Variants in ALK observed in about 807,000 individuals in gnomAD.
ALK encodes the protein ALK receptor tyrosine kinase.
Under a neutral mutation model 163.1 loss-of-function variants are expected in ALK, and 74 were observed. The observed-to-expected ratio is 0.45, with a 90% CI of 0.38 to 0.55. The LOEUF is 0.55. Ranked by LOEUF, ALK falls within the 20% of genes least tolerant of loss-of-function variation. ALK has a pLI of 0.00. For synonymous variants in ALK, 960 were observed against 843.2 expected (o/e 1.14, Z -2.40); for missense variants, 2,063 against 2,105.3 (o/e 0.98, Z 0.39).
chr2:29,564,381 T>C (rs1674114991), intron 3 of ALK, among the ~76,000 whole-genome samples: 1 of 152,092 alleles, frequency 6.6e-6, no homozygotes, highest in South Asian at 2.1e-4. Flanking sequence ...GATCTTCCAA[T>C]AAAAATGAGT....
At chr2:29,670,910 T>C (rs1291419588) in intron 3 of ALK, among the ~76,000 whole-genome samples, 1 of 152,120 alleles carries the variant, frequency 6.6e-6, no homozygotes, top group Non-Finnish European at 1.5e-5. Context: ...TGCTTTTCTG[T>C]GTTATCTTGG....
At chr2:29,890,841 C>G (rs559157327) in intron 1 of ALK, 6 of 152,280 alleles carry the variant, frequency 3.9e-5, no homozygotes, top group African/African-American at 1.4e-4. Flanking sequence ...GAAGACTTCT[C>G]AAGTCTTGGA....
intron 1 of ALK, among the ~76,000 whole-genome samples, chr2:29,729,020 G>A (rs1305784931): frequency 6.6e-6 from 1 of 152,198 alleles, no homozygotes; most frequent in African/African-American, 2.4e-5. Flanking sequence ...TAACAGGACT[G>A]ACCTGACTTG....
At chr2:29,594,185 A>C (rs944238279) in intron 3 of ALK, among the ~76,000 whole-genome samples, 1 of 152,230 alleles carries the variant, frequency 6.6e-6, no homozygotes, top group African/African-American at 2.4e-5. Flanking sequence ...ATTATATTTT[A>C]TAAAGGTAAT....
At chr2:29,826,371 A>C (rs914269131) in intron 1 of ALK, among the ~76,000 whole-genome samples, 1 of 152,046 alleles carries the variant, frequency 6.6e-6, no homozygotes, top group African/African-American at 2.4e-5. Context: ...GGGCTTTGAT[A>C]TATCACAATG....
At chr2:29,366,590 C>T (rs866878711) in intron 5 of ALK, among the ~76,000 whole-genome samples, 1 of 152,120 alleles carries the variant, frequency 6.6e-6, no homozygotes, top group East Asian at 1.9e-4. Context: ...CCAGCAAGGA[C>T]TCCTTCAGTC....
chr2:29,875,023 C>A (rs932120271), intron 1 of ALK, among the ~76,000 whole-genome samples: 1 of 152,194 alleles, frequency 6.6e-6, no homozygotes, highest in East Asian at 1.9e-4. Context: ...CTCCTAGGTA[C>A]ACACTCAAAA....
chr2:29,912,164 A>C (rs1572495013), intron 1 of ALK, among the ~76,000 whole-genome samples: 1 of 152,168 alleles, frequency 6.6e-6, no homozygotes, highest in Non-Finnish European at 1.5e-5. Context: ...CAGGAGAGGA[A>C]TATATTGGTG....
chr2:29,766,396 C>A (rs1163295527), intron 1 of ALK, among the ~76,000 whole-genome samples: 2 of 152,154 alleles, frequency 1.3e-5, no homozygotes, highest in African/African-American at 4.8e-5. Context: ...TCTCCCCCAG[C>A]CACCATGAAT....
At chr2:29,242,937 G>C (rs1254408427) in intron 12 of ALK, among the ~76,000 whole-genome samples, 3 of 152,316 alleles carry the variant, frequency 2.0e-5, no homozygotes, top group South Asian at 2.1e-4. Flanking sequence ...TTAAAGTCAG[G>C]GGGAGCAGGC....
intron 1 of ALK, among the ~76,000 whole-genome samples, chr2:29,776,988 C>T (rs1401475019): frequency 2.0e-5 from 3 of 152,114 alleles, no homozygotes; most frequent in Non-Finnish European, 4.4e-5. Flanking sequence ...GACCCCCAAT[C>T]TACCATCAAC....
intron 1 of ALK, among the ~76,000 whole-genome samples, chr2:29,741,721 CT>C (rs1680064871): frequency 6.6e-6 from 1 of 152,148 alleles, no homozygotes. Context: ...TGTGATGGTT[CT>C]TCCAAGACAA....
At chr2:29,372,339 T>C (rs1421329521) in intron 5 of ALK, among the ~76,000 whole-genome samples, 1 of 152,210 alleles carries the variant, frequency 6.6e-6, no homozygotes, top group Non-Finnish European at 1.5e-5. Context: ...ATCTAGTCCT[T>C]CTTCCAGGGG....
intron 13 of ALK, among the ~76,000 whole-genome samples, chr2:29,236,199 C>T (rs1303036695): frequency 6.6e-6 from 1 of 152,006 alleles, no homozygotes; most frequent in Non-Finnish European, 1.5e-5. Context: ...TGGTGAGGCA[C>T]CCCGCCTCCC....
At chr2:29,564,734 G>A (rs1034195416) in intron 3 of ALK, among the ~76,000 whole-genome samples, 8 of 152,152 alleles carry the variant, frequency 5.3e-5, no homozygotes, top group African/African-American at 9.7e-5. Context: ...GAAGGGAGGG[G>A]GTATCTCAGG....
intron 4 of ALK, among the ~76,000 whole-genome samples, chr2:29,384,651 A>T (rs368055914): frequency 6.6e-6 from 1 of 150,542 alleles, no homozygotes; most frequent in Non-Finnish European, 1.5e-5. Flanking sequence ...AATGTCTGCG[A>T]GTGTGTGTGT....
chr2:29,540,594 A>ATTTTT (rs772220187), intron 3 of ALK, among the ~76,000 whole-genome samples: 4 of 51,556 alleles, frequency 7.8e-5, no homozygotes, highest in Non-Finnish European at 1.6e-4. Flanking sequence ...TTTTTTTTTA[A>ATTTTT]AAAAAAAAAA....
chr2:29,216,846 A>ATGGTGTGTGTTGTATGTGTG (rs1449550767), intron 23 of ALK, among the ~76,000 whole-genome samples: 81 of 142,258 alleles, frequency 5.7e-4, no homozygotes, highest in African/African-American at 2.0e-3. Flanking sequence ...TGCAGTATAT[A>ATGGTGTGTGTTGTATGTGTG]TGGTGTGTGT....
intron 2 of ALK, among the ~76,000 whole-genome samples, chr2:29,712,491 C>G (rs79913780): frequency 6.6e-6 from 1 of 152,178 alleles, no homozygotes; most frequent in African/African-American, 2.4e-5. Context: ...CTGATCACAG[C>G]CAGCCACATT....
Sources: gnomAD v4.1 joint callset for allele counts (sites outside exome capture counted in the v4.1 genomes callset) on GRCh38, gnomAD v4.1.1 for gene constraint, MANE v1.5 for transcripts, NCBI Gene and HGNC (gene_info 2026-07-23, HGNC 2026-07-21) for gene names.